WWOX: variants seen among roughly 807,000 people sequenced by gnomAD.
WWOX encodes WW domain containing oxidoreductase.
In WWOX, 69 loss-of-function variants were observed where a neutral mutation model predicts 46.2. That is an observed-to-expected ratio of 1.49 (90% confidence interval 1.23 to 1.82). The LOEUF is 1.82. Ranked by LOEUF, WWOX falls within the 40% of genes most tolerant of loss-of-function variation. The pLI is 0.00. For synonymous variants in WWOX, 359 were observed against 202.6 expected, an observed-to-expected ratio of 1.77 and a Z score of -6.56; for missense variants, 919 against 542.6, an observed-to-expected ratio of 1.69 and a Z score of -6.89.
intron 8 of WWOX, among the ~76,000 whole-genome samples, chr16:79,109,951 T>C (rs2150652910): frequency 6.6e-6 from 1 of 152,282 alleles, no homozygotes; most frequent in South Asian, 2.1e-4. Context: ...GTCAGTTGCA[T>C]GGAAATGAAA....
At chr16:79,107,998 A>C (rs1384495285) in intron 8 of WWOX, among the ~76,000 whole-genome samples, 1 of 152,248 alleles carries the variant, frequency 6.6e-6, no homozygotes, top group Non-Finnish European at 1.5e-5. Flanking sequence ...ATTCCTATTC[A>C]GCATATGTAT....
At chr16:79,156,384 C>T (rs1451540474) in intron 8 of WWOX, among the ~76,000 whole-genome samples, 1 of 152,294 alleles carries the variant, frequency 6.6e-6, no homozygotes, top group Non-Finnish European at 1.5e-5. Flanking sequence ...TATTCTCGAA[C>T]TCCTGACCTC....
At chr16:78,526,976 C>T (rs2043485388) in intron 8 of WWOX, among the ~76,000 whole-genome samples, 2 of 152,128 alleles carry the variant, frequency 1.3e-5, no homozygotes, top group Admixed American at 6.5e-5. Flanking sequence ...ACCAGCCTGA[C>T]CAACATGGTG....
chr16:79,094,528 G>A (rs542390367), intron 8 of WWOX, among the ~76,000 whole-genome samples: 4 of 152,204 alleles, frequency 2.6e-5, no homozygotes, highest in South Asian at 2.1e-4. Context: ...CTGGGATGAC[G>A]GGTGTGAGCC....
chr16:78,939,206 T>C (rs144816527), intron 8 of WWOX, among the ~76,000 whole-genome samples: 8 of 152,270 alleles, frequency 5.3e-5, no homozygotes, highest in East Asian at 1.9e-4. Context: ...CGTATATTCA[T>C]GGAGCATCTT....
intron 5 of WWOX, among the ~76,000 whole-genome samples, chr16:78,253,038 C>T (rs1020018068): frequency 2.6e-5 from 4 of 152,044 alleles, no homozygotes; most frequent in Admixed American, 2.0e-4. Context: ...GGGACCATAC[C>T]CTCTGTTTAG....
At chr16:79,186,723 C>T (rs1221075813) in intron 8 of WWOX, among the ~76,000 whole-genome samples, 4 of 152,118 alleles carry the variant, frequency 2.6e-5, no homozygotes, top group Non-Finnish European at 5.9e-5. Flanking sequence ...TGCCATACCT[C>T]AAGTATCTAG....
chr16:78,714,528 C>A (rs376384097), intron 8 of WWOX, among the ~76,000 whole-genome samples: 3 of 151,852 alleles, frequency 2.0e-5, no homozygotes, highest in Non-Finnish European at 1.5e-5. Context: ...GGTGGGGACA[C>A]AGACACACCA....
intron 5 of WWOX, among the ~76,000 whole-genome samples, chr16:78,215,741 A>C (rs1286064129): frequency 1.3e-5 from 2 of 152,124 alleles, no homozygotes; most frequent in Non-Finnish European, 2.9e-5. Context: ...CATCCTGGCC[A>C]ACATGGTGAA....
At chr16:78,439,497 C>G (rs996427834) in intron 8 of WWOX, among the ~76,000 whole-genome samples, 2 of 152,116 alleles carry the variant, frequency 1.3e-5, no homozygotes, top group African/African-American at 4.8e-5. Context: ...TCATTATGTC[C>G]AAAGCTTTTA....
intron 8 of WWOX, among the ~76,000 whole-genome samples, chr16:78,883,373 C>G (rs1298714401): frequency 2.0e-5 from 3 of 152,104 alleles, no homozygotes; most frequent in East Asian, 1.9e-4. Flanking sequence ...TAGTGGGAAA[C>G]TCGTGAAATC....
intron 5 of WWOX, among the ~76,000 whole-genome samples, chr16:78,311,863 ATTTTC>A (rs953199548): frequency 6.6e-6 from 1 of 152,084 alleles, no homozygotes; most frequent in African/African-American, 2.4e-5. Flanking sequence ...CAAGACATTT[ATTTTC>A]TTAAAGTTCT....
At chr16:79,041,523 C>T (rs1018252539) in intron 8 of WWOX, among the ~76,000 whole-genome samples, 1 of 152,174 alleles carries the variant, frequency 6.6e-6, no homozygotes, top group Non-Finnish European at 1.5e-5. Context: ...GTCCGCAGAA[C>T]TCATCAGCTG....
intron 8 of WWOX, among the ~76,000 whole-genome samples, chr16:78,830,807 C>G (rs2051799537): frequency 1.3e-5 from 2 of 151,888 alleles, no homozygotes; most frequent in South Asian, 4.1e-4. Flanking sequence ...TCCCTCCCTC[C>G]TTGCCACTGT....
At chr16:78,515,360 C>T (rs980689072) in intron 8 of WWOX, among the ~76,000 whole-genome samples, 9 of 152,110 alleles carry the variant, frequency 5.9e-5, no homozygotes, top group Non-Finnish European at 7.4e-5. Context: ...TCAGACTCTG[C>T]GTACAGCTAA....
intron 8 of WWOX, among the ~76,000 whole-genome samples, chr16:78,549,751 TAGATATGAAGCCTAAGGGTA>T (rs2044131859): frequency 6.6e-6 from 1 of 152,190 alleles, no homozygotes; most frequent in African/African-American, 2.4e-5. Context: ...TCCTACAGTT[TAGATATGAAGCCTAAGGGTA>T]AGATGAACGT....
intron 4 of WWOX, 151 bp downstream of exon 4, chr16:78,115,305 T>C (rs1046162055): frequency 2.0e-6 from 2 of 983,030 alleles, no homozygotes; most frequent in Non-Finnish European, 3.1e-6. Context: ...ACTACCTCTT[T>C]TTAAATCCTA....
Position 78,362,614 on chromosome 16 carries a change from C to G in WWOX, c.517-24246C>G, listed in dbSNP as rs181723562. Among the ~76,000 whole-genome samples, 17 of 151,950 alleles carry G rather than the reference C, an allele frequency of 1.1e-4. No individual in the cohort carries two copies. The East Asian group carries it at 1.4e-3, about 12-fold the overall frequency. On this transcript the variant is annotated intron_variant, in intron 5 of 8. Transcript: ENST00000566780. Reference sequence around the variant, plus strand: ...ATGGAGCAAGACTCTATCTACCCCCCACCCTGCAAAAAAAGAAAAGAAAGG... The same window carrying G: ...ATGGAGCAAGACTCTATCTACCCCCGACCCTGCAAAAAAAGAAAAGAAAGG...
intron 8 of WWOX, among the ~76,000 whole-genome samples, chr16:78,797,126 C>G (rs938080881): frequency 6.6e-6 from 1 of 151,846 alleles, no homozygotes; most frequent in Non-Finnish European, 1.5e-5. Context: ...GTGCTGGGCC[C>G]CAACTTTCTT....
Sources: allele counts gnomAD v4.1 joint callset (sites outside exome capture counted in the v4.1 genomes callset), GRCh38; gene constraint gnomAD v4.1.1; transcripts MANE v1.5; gene names NCBI Gene and HGNC (gene_info 2026-07-23, HGNC 2026-07-21).